SETX: variants seen among roughly 807,000 people sequenced by gnomAD.
The protein encoded by SETX is helicase senataxin.
SETX carries 90 observed loss-of-function variants against 227.2 expected under a neutral mutation model. The observed-to-expected ratio is 0.40, with a 90% CI of 0.33 to 0.47. The LOEUF (loss-of-function observed/expected upper bound fraction) is 0.47. Among genes scored for constraint, SETX ranks in the 20% least tolerant of loss-of-function variants. The pLI is 0.91. For synonymous variants in SETX, 1,210 were observed against 1,113.2 expected (o/e 1.09, Z -1.73); for missense variants, 3,052 against 3,181.5 (o/e 0.96, Z 0.98).
intron 10 of SETX, among the ~76,000 whole-genome samples, chr9:132,324,740 A>G (rs1265425898): frequency 1.3e-5 from 2 of 152,188 alleles, no homozygotes; most frequent in East Asian, 3.9e-4. Flanking sequence ...CATACTAGGC[A>G]CTCAAATATC....
intron 11 of SETX, among the ~76,000 whole-genome samples, chr9:132,305,222 C>T (rs370165892): frequency 1.3e-5 from 2 of 150,610 alleles, no homozygotes; most frequent in Non-Finnish European, 3.0e-5. Context: ...GGCATGGTGG[C>T]GGCCGCCTGT....
upstream of SETX, among the ~76,000 whole-genome samples, chr9:132,356,151 GAA>G (rs916703591): frequency 3.3e-5 from 5 of 152,032 alleles, no homozygotes; most frequent in African/African-American, 1.2e-4. Flanking sequence ...CCCTGTCTCA[GAA>G]AAGTCTATAA....
At chr9:132,349,125 AC>A in intron 3 of SETX, 126 bp downstream of exon 3, 2 of 960,770 alleles carry the variant, frequency 2.1e-6, no homozygotes, top group Non-Finnish European at 3.1e-6. Flanking sequence ...CAAAACAAAA[AC>A]AAAAAAAAAA....
In SETX at chr9:132,317,458, AATT is replaced by A. The variant is rs1368559479; in HGVS notation, c.5275-5605_5275-5603del. ...TCAATTGTTGCTTCGTACATTTTGAAATTATTATATACATACATGTTCACAATC... is the reference window on the plus strand; with the variant it reads ...TCAATTGTTGCTTCGTACATTTTGAAATTATATACATACATGTTCACAATC... On this transcript the variant is annotated intron_variant, in intron 10 of 25. Coordinates refer to ENST00000224140, the MANE Select transcript of SETX (RefSeq NM_015046.7). 2.8e-4 allele frequency among the ~76,000 whole-genome samples: 42 copies of A among 152,284 alleles called. No homozygotes were observed. In the Middle Eastern group the frequency reaches 0.01, roughly 37 times the overall value.
intron 12 of SETX, among the ~76,000 whole-genome samples, chr9:132,300,117 T>G: frequency 2.0e-5 from 2 of 100,702 alleles, no homozygotes; most frequent in African/African-American, 4.1e-5. Context: ...ACAACAAGAG[T>G]GAAACTCCGT....
At position 132,262,228 on chromosome 9, in the gene SETX, A is replaced by T. The variant is rs777764624; in HGVS notation, c.*2011T>A. On this transcript the variant is annotated 3_prime_UTR_variant, in exon 26 of 26. Transcript: ENST00000224140. Reference sequence around the variant, plus strand: ...TAATATTGTTCAGTGTGTGGCGGCAAAATATGCATTTTAGAGAAAACTTAT... The same window carrying T: ...TAATATTGTTCAGTGTGTGGCGGCATAATATGCATTTTAGAGAAAACTTAT... The T allele has an allele frequency of 6.6e-6, 1 of 152,228 alleles. No homozygotes were observed. The highest frequency in any genetic ancestry group is 1.5e-5 in the Non-Finnish European group (1 of 68,048). 9.4% of individuals were successfully genotyped at this position (152,228 alleles called of 1,614,324 possible).
chr9:132,281,629 T>C, intron 19 of SETX, 55 bp from the exon 20 acceptor site: 1 of 1,249,416 alleles, frequency 8.0e-7, no homozygotes, highest in Non-Finnish European at 1.2e-6. Context: ...TATTTATCCA[T>C]ATAGTTTATC....
intron 12 of SETX, among the ~76,000 whole-genome samples, chr9:132,299,360 C>T (rs1844854431): frequency 6.6e-6 from 1 of 152,132 alleles, no homozygotes; most frequent in African/African-American, 2.4e-5. Context: ...ATGAGGAGTT[C>T]AGGGAATGAG....
chr9:132,321,942 C>T (rs1846383324), intron 10 of SETX, among the ~76,000 whole-genome samples: 1 of 152,058 alleles, frequency 6.6e-6, no homozygotes, highest in Admixed American at 6.6e-5. Context: ...ACAAGCCCAC[C>T]CTTTCACTCA....
chr9:132,330,220 G>C lies in SETX; in HGVS notation c.1378C>G (p.Leu460Val). The C allele has an allele frequency of 6.4e-7, 1 of 1,568,330 alleles. No homozygotes were observed. The highest frequency in any genetic ancestry group is 8.6e-7 in the Non-Finnish European group (1 of 1,157,930). ...AGTTCAATCACTGATACCAAAATTA[G>C]AAGAAAAAATTCAGTGACTTTGTCA... ...VCDKVTEFFL[L>V]ILVSVIELHR... Residue 460 changes from leucine to valine, a missense_variant, in exon 10 of 26, where the codon CTA (leucine) becomes GTA (valine). Leu to Val is a conservative substitution (Grantham distance 32, BLOSUM62 1). Around this residue, in one of 10 missense-constraint regions of SETX, gnomAD observed 179 missense variants for 197.1 expected, o/e 0.91. Transcript: ENST00000224140.
Position 132,327,703 on chromosome 9 carries a change from A to T in SETX, c.3895T>A (p.Leu1299Met). Residue 1299 changes from leucine to methionine, a missense_variant, in exon 10 of 26, where the codon TTG becomes ATG. This residue lies in a region of SETX where 1,483 missense variants were observed against 1,312.0 expected (regional missense o/e 1.13). Coordinates refer to ENST00000224140, the MANE Select transcript of SETX (RefSeq NM_015046.7). ...ACATAATCCAAAGACCGCTGGGACA[A>T]CTCATATGCCTTACGAGGACCCTTT... ...LKKGPRKAYE[L>M]SQRSLDYVAQ... The T allele has an allele frequency of 1.2e-6, 2 of 1,614,042 alleles. No homozygotes were observed. The highest frequency in any genetic ancestry group is 1.7e-6 in the Non-Finnish European group (2 of 1,180,008).
intron 6 of SETX, among the ~76,000 whole-genome samples, 198 bp from the exon 7 acceptor site, chr9:132,334,925 G>A (rs944020539): frequency 6.6e-6 from 1 of 152,064 alleles, no homozygotes; most frequent in African/African-American, 2.4e-5. Context: ...GAAAGTACAA[G>A]ATGGTTAGAA....
At position 132,338,909 on chromosome 9, in the gene SETX, C is replaced by T. The variant is rs1049344498; in HGVS notation, c.499-2394G>A. 4.6e-5 allele frequency among the ~76,000 whole-genome samples: 7 copies of T among 152,014 alleles called. 1 individual carries two copies. The East Asian group carries it at 1.2e-3, about 25-fold the overall frequency. On this transcript the variant is annotated intron_variant, in intron 5 of 25. Transcript: ENST00000224140. ...AGTAGCTAGGGCTACAGGTGTGCAACGTTATGCCAAGCTAATTAAAAAAAA... is the reference window on the plus strand; with the variant it reads ...AGTAGCTAGGGCTACAGGTGTGCAATGTTATGCCAAGCTAATTAAAAAAAA...
intron 11 of SETX, among the ~76,000 whole-genome samples, chr9:132,311,247 A>G (rs7863201): frequency 0.32 from 48,219 of 151,992 alleles, 11,014 homozygotes; most frequent in East Asian, 0.67. Flanking sequence ...GATTACAGGC[A>G]TGAGCCACCG....
chr9:132,272,395 C>CA (rs1842945306), intron 23 of SETX, among the ~76,000 whole-genome samples: 1 of 152,012 alleles, frequency 6.6e-6, no homozygotes, highest in Non-Finnish European at 1.5e-5. Flanking sequence ...GCAATCCTTC[C>CA]ACCTCACCCA....
In SETX at chr9:132,329,191, T is replaced by C. The variant is rs528069157; in HGVS notation, c.2407A>G (p.Thr803Ala). Reference sequence around the variant, plus strand: ...AAATTGATAGTATTATCGACCAAAGTACTCTTCCTGTGTTGCTTCTTTATT... The same window carrying C: ...AAATTGATAGTATTATCGACCAAAGCACTCTTCCTGTGTTGCTTCTTTATT... The part of the protein sequence containing the change: ...HVIKKQHRKS[T>A]LVDNTINLDE... Residue 803 changes from threonine (T) to alanine (A), a missense_variant, in exon 10 of 26, where the codon ACT becomes GCT. Thr to Ala is a moderately conservative substitution (Grantham distance 58, BLOSUM62 0). Transcript: ENST00000224140. 1.1e-5 allele frequency: 18 copies of C among 1,613,642 alleles called. No individual in the cohort carries two copies. The South Asian group carries it at 1.9e-4, about 17-fold the overall frequency.
Position 132,321,677 on chromosome 9 carries a change from C to CAA in SETX, c.5274+4645_5274+4646dup, listed in dbSNP as rs1326460459. ...CTCAAAAAAAAAAAAAAAAAAACTA[C>CAA]AAAAAAAAAAACCCACAAAAATTAG... On this transcript the variant is annotated intron_variant, in intron 10 of 25. Coordinates refer to ENST00000224140, the MANE Select transcript of SETX (RefSeq NM_015046.7). Among the ~76,000 whole-genome samples the CAA allele has an allele frequency of 5.2e-4, 41 of 79,098 alleles. 1 individual carries two copies. Among genetic ancestry groups the CAA allele is most frequent in the African/African-American group, 1.9e-3 (41 of 21,732 alleles). The allele number at this position is 79,098 out of a possible 152,430, so 51.9% of individuals were successfully genotyped here.
At chr9:132,313,550 T>C (rs1292277529) in intron 10 of SETX, among the ~76,000 whole-genome samples, 1 of 152,222 alleles carries the variant, frequency 6.6e-6, no homozygotes, top group African/African-American at 2.4e-5. Context: ...CTAATTAACA[T>C]ATACTCAATA....
intron 7 of SETX, among the ~76,000 whole-genome samples, chr9:132,334,297 AAT>A (rs1273532236): frequency 6.6e-6 from 1 of 152,082 alleles, no homozygotes; most frequent in African/African-American, 2.4e-5. Context: ...AATACAAAAA[AAT>A]TAGCTGGGCG....
Sources: gnomAD v4.1 joint callset for allele counts (sites outside exome capture counted in the v4.1 genomes callset) on GRCh38, gnomAD v4.1.1 for gene constraint, gnomAD v4.1.1 regional missense constraint, MANE v1.5 for transcripts, NCBI Gene and HGNC (gene_info 2026-07-23, HGNC 2026-07-21) for gene names.